VPS13B: variants seen among roughly 807,000 people sequenced by gnomAD.
The protein encoded by VPS13B is intermembrane lipid transfer protein VPS13B.
VPS13B carries 285 observed loss-of-function variants against 426.4 expected under a neutral mutation model. That is an observed-to-expected ratio of 0.67 (90% CI 0.61 to 0.74). The LOEUF (loss-of-function observed/expected upper bound fraction) is 0.74, where lower values mean the gene tolerates loss of function less well. Among genes scored for constraint, VPS13B ranks in the 30% least tolerant of loss-of-function variants. The pLI, the probability that VPS13B is intolerant of heterozygous loss-of-function variation, is 0.00. For missense variants in VPS13B, 4,537 were observed against 4,782.6 expected (o/e 0.95, Z 1.51); for synonymous variants, 1,676 against 1,676.4 (o/e 1.00, Z 0.01).
chr8:99,731,576 T>C (rs932733974), intron 39 of VPS13B, among the ~76,000 whole-genome samples: 2 of 152,074 alleles, frequency 1.3e-5, no homozygotes, highest in Non-Finnish European at 2.9e-5. Flanking sequence ...AGTAGTCTTG[T>C]GGAGGTGAAA....
At position 99,391,680 on chromosome 8, in the gene VPS13B, C is replaced by G. The variant is rs917905889; in HGVS notation, c.3058C>G (p.Pro1020Ala). The G allele has an allele frequency of 1.9e-6, 3 of 1,614,038 alleles. No homozygotes were observed. The highest frequency in any genetic ancestry group is 2.5e-6 in the Non-Finnish European group (3 of 1,180,012). The change falls in exon 21 of 62, where the codon CCT becomes GCT. Residue 1020 changes from proline to alanine, a missense_variant. Physicochemically the swap from Pro to Ala is conservative, Grantham distance 27. Coordinates refer to ENST00000357162, the MANE Select transcript of VPS13B (RefSeq NM_152564.5). ...SYQASEYASS[P>A]VKTKTVTESR... ...TCAGGCCTCTGAATATGCCAGCAGC[C>G]CTGTAAAAACAAAAACGGTAACAGG...
chr8:99,854,389 C>A, intron 56 of VPS13B, 133 bp downstream of exon 56: 1 of 1,038,728 alleles, frequency 9.6e-7, no homozygotes, highest in Non-Finnish European at 1.4e-6. Context: ...TACAGTTACA[C>A]AGAACTGGAT....
Position 99,832,366 on chromosome 8 carries a change from T to A in VPS13B, c.9331-3T>A, listed in dbSNP as rs1815122299. On this transcript the variant is annotated splice_region_variant and splice_polypyrimidine_tract_variant and intron_variant, in intron 51 of 61. Transcript: ENST00000357162. ...ATTTTTTTTTTTTTTTTTTTTTTTT[T>A]AGTATTTTCGTGTTCCAGACAGTGC... The A allele has an allele frequency of 1.4e-6, 2 of 1,467,764 alleles. No homozygotes were observed. Among genetic ancestry groups the A allele is most frequent in the Admixed American group, 2.2e-5 (1 of 44,486 alleles). The allele number at this position is 1,467,764 out of a possible 1,614,324, so 90.9% of individuals were successfully genotyped here. A position where few individuals can be genotyped will look rare whatever the true frequency, so the allele number is the denominator to read the frequency against.
intron 25 of VPS13B, among the ~76,000 whole-genome samples, chr8:99,482,943 A>C (rs1337441456): frequency 1.3e-5 from 2 of 152,082 alleles, no homozygotes; most frequent in African/African-American, 2.4e-5. Context: ...AGAGAACAGA[A>C]CTTTCCCCAA....
intron 5 of VPS13B, among the ~76,000 whole-genome samples, chr8:99,108,074 C>A (rs916186091): frequency 6.6e-6 from 1 of 152,190 alleles, no homozygotes; most frequent in East Asian, 1.9e-4. Flanking sequence ...GCTTAGCTCC[C>A]ACTTATAATT....
At chr8:99,283,703 CA>C in intron 19 of VPS13B, among the ~76,000 whole-genome samples, 1 of 152,044 alleles carries the variant, frequency 6.6e-6, no homozygotes, top group Non-Finnish European at 1.5e-5. Flanking sequence ...TTTGGGATTT[CA>C]AAATGTTACA....
chr8:99,500,320 G>A (rs1420547105), intron 25 of VPS13B, among the ~76,000 whole-genome samples: 1 of 152,098 alleles, frequency 6.6e-6, no homozygotes, highest in Non-Finnish European at 1.5e-5. Context: ...AAACGTGTCT[G>A]AAGTTAGAAA....
chr8:99,122,778 A>G (rs929008137), intron 8 of VPS13B, among the ~76,000 whole-genome samples: 4 of 152,166 alleles, frequency 2.6e-5, no homozygotes, highest in African/African-American at 9.7e-5. Flanking sequence ...TAAACAAATA[A>G]CATATATATT....
chr8:99,209,203 C>G (rs1413654180), intron 17 of VPS13B, among the ~76,000 whole-genome samples: 1 of 150,854 alleles, frequency 6.6e-6, no homozygotes, highest in African/African-American at 2.4e-5. Flanking sequence ...CACTTTAACA[C>G]GGGAGGCAGA....
At chr8:99,308,280 T>C (rs1820748260) in intron 19 of VPS13B, among the ~76,000 whole-genome samples, 1 of 152,068 alleles carries the variant, frequency 6.6e-6, no homozygotes, top group African/African-American at 2.4e-5. Flanking sequence ...GCTGCACCCA[T>C]TAACTCGTCA....
intron 21 of VPS13B, among the ~76,000 whole-genome samples, chr8:99,408,695 A>G (rs1292975906): frequency 1.3e-5 from 2 of 152,226 alleles, no homozygotes. Context: ...TAGAATCCTC[A>G]TAGAGGATAC....
chr8:99,792,615 C>T (rs571257638), intron 43 of VPS13B, among the ~76,000 whole-genome samples: 47 of 152,194 alleles, frequency 3.1e-4, no homozygotes, highest in African/African-American at 1.1e-3. Flanking sequence ...CTGTGGGAGG[C>T]CTCCAGAACC....
At chr8:99,248,838 G>A (rs1319565653) in intron 17 of VPS13B, among the ~76,000 whole-genome samples, 1 of 151,048 alleles carries the variant, frequency 6.6e-6, no homozygotes. Flanking sequence ...GTCCCTCCAT[G>A]TCTCCCTCCC....
intron 8 of VPS13B, among the ~76,000 whole-genome samples, chr8:99,133,787 T>C (rs1223061618): frequency 6.6e-6 from 1 of 152,170 alleles, no homozygotes; most frequent in African/African-American, 2.4e-5. Flanking sequence ...TAAATGGGCA[T>C]GTTCATGGTG....
At chr8:99,718,588 T>C (rs1319405167) in intron 37 of VPS13B, among the ~76,000 whole-genome samples, 2 of 152,150 alleles carry the variant, frequency 1.3e-5, no homozygotes, top group East Asian at 3.8e-4. Context: ...TCCAAAAAGC[T>C]TGAAAGATTC....
At chr8:99,530,735 C>T (rs973795458) in intron 30 of VPS13B, among the ~76,000 whole-genome samples, 2 of 152,010 alleles carry the variant, frequency 1.3e-5, no homozygotes, top group Non-Finnish European at 2.9e-5. Flanking sequence ...ATGCCTACAT[C>T]TCGGTCGAAC....
chr8:99,199,888 T>C (rs934995648), intron 17 of VPS13B, among the ~76,000 whole-genome samples: 1 of 152,196 alleles, frequency 6.6e-6, no homozygotes, highest in Non-Finnish European at 1.5e-5. Flanking sequence ...CAGTTTTATT[T>C]ATATAAAATT....
intron 15 of VPS13B, among the ~76,000 whole-genome samples, chr8:99,163,724 G>C (rs1046968668): frequency 1.3e-5 from 2 of 152,200 alleles, no homozygotes; most frequent in Admixed American, 1.3e-4. Context: ...TGTCCACACA[G>C]AACTCCAGCT....
intron 3 of VPS13B, among the ~76,000 whole-genome samples, chr8:99,064,866 G>A (rs1844390973): frequency 6.6e-6 from 1 of 152,146 alleles, no homozygotes. Context: ...GAGAAAGGTC[G>A]GGTTACCCAC....
Sources: allele counts gnomAD v4.1 joint callset (sites outside exome capture counted in the v4.1 genomes callset), GRCh38; gene constraint gnomAD v4.1.1; transcripts MANE v1.5; gene names NCBI Gene and HGNC (gene_info 2026-07-23, HGNC 2026-07-21).